The following FLRT2 variants were observed in gnomAD, a reference collection of about 807,000 sequenced individuals.
FLRT2 encodes leucine-rich repeat transmembrane protein FLRT2.
Under a neutral mutation model 40.0 loss-of-function variants are expected in FLRT2, and 15 were observed. That is an observed-to-expected ratio of 0.38 (90% confidence interval 0.25 to 0.58). The LOEUF is 0.58. FLRT2 is among the 20% of genes least tolerant of loss of function. The probability of loss-of-function intolerance (pLI) is 0.71; values close to 1 mark genes in which losing one functional copy is unlikely to be tolerated. For missense variants in FLRT2, 726 were observed against 840.0 expected (o/e 0.86, Z 1.68); for synonymous variants, 380 against 336.8 (o/e 1.13, Z -1.41).
rs1355945427 is a variant in FLRT2 at position 85,611,908 on chromosome 14, G to GCA, written c.-376-9230_-376-9229insAC. Among the ~76,000 whole-genome samples the GCA allele has an allele frequency of 2.8e-5, 4 of 144,570 alleles. No homozygotes were observed. In the East Asian group the frequency reaches 6.2e-4, roughly 22 times the overall value. The allele number at this position is 144,570 out of a possible 152,430, so 94.8% of individuals were successfully genotyped here. A position where few individuals can be genotyped will look rare whatever the true frequency, so the allele number is the denominator to read the frequency against. On this transcript the variant is annotated intron_variant, in intron 1 of 1. Coordinates refer to ENST00000330753, the MANE Select transcript of FLRT2 (RefSeq NM_013231.6). ...GGGGAGAGAGAGAGAGAGCGCGCGT[G>GCA]CGCGAAAGCGTGTGTGTGTGTGTGT...
intron 1 of FLRT2, among the ~76,000 whole-genome samples, chr14:85,576,606 A>G (rs995485457): frequency 2.0e-5 from 3 of 152,218 alleles, no homozygotes; most frequent in Admixed American, 2.0e-4. Flanking sequence ...GTGTTTTTCA[A>G]TTTCCGAAAA....
At chr14:85,619,277 G>T (rs185318865) in intron 1 of FLRT2, among the ~76,000 whole-genome samples, 17 of 151,734 alleles carry the variant, frequency 1.1e-4, no homozygotes, top group African/African-American at 3.6e-4. Context: ...TAGAAATGGG[G>T]TTTCACTATA....
rs1474903565 is a variant in FLRT2, at chr14:85,639,967, G to A, written c.*16470G>A. On this transcript the variant is annotated 3_prime_UTR_variant, in exon 2 of 2. Coordinates refer to ENST00000330753, the MANE Select transcript of FLRT2 (RefSeq NM_013231.6). ...GAGTTCACACCATTCTCCTGCCTCA[G>A]TCTCCCGAGTAGCTGGGACTACAGG... 6.7e-6 allele frequency: 1 copy of A among 148,604 alleles called. No individual in the cohort carries two copies. The highest frequency in any genetic ancestry group is 1.5e-5 in the Non-Finnish European group (1 of 67,768). The allele number at this position is 148,604 out of a possible 1,614,324, so 9.2% of individuals were successfully genotyped here. A position where few individuals can be genotyped will look rare whatever the true frequency, so the allele number is the denominator to read the frequency against.
At chr14:85,596,172 G>T (rs998342913) in intron 1 of FLRT2, among the ~76,000 whole-genome samples, 1 of 152,138 alleles carries the variant, frequency 6.6e-6, no homozygotes, top group Non-Finnish European at 1.5e-5. Flanking sequence ...TCTCACCCAG[G>T]GGCCAGGAAA....
At position 85,621,451 on chromosome 14, in the gene FLRT2, C is replaced by A; in HGVS notation, c.-64C>A. 2.1e-6 allele frequency: 3 copies of A among 1,445,974 alleles called. No homozygotes were observed. Among genetic ancestry groups the A allele is most frequent in the Non-Finnish European group, 1.9e-6 (2 of 1,073,694 alleles). 89.6% of individuals were successfully genotyped at this position (1,445,974 alleles called of 1,614,324 possible). A position where few individuals can be genotyped will look rare whatever the true frequency, so the allele number is the denominator to read the frequency against. ...ACCCCATCCAGTCATTTTGATTTTGCTGTTTATTTTTTTTTTCTTTTTCTT... is the reference window on the plus strand; with the variant it reads ...ACCCCATCCAGTCATTTTGATTTTGATGTTTATTTTTTTTTTCTTTTTCTT... On this transcript the variant is annotated 5_prime_UTR_variant, in exon 2 of 2. The change creates a new upstream start codon in the 5' untranslated region. Transcript: ENST00000330753.
In FLRT2 at chr14:85,636,748, G is replaced by A. The variant is rs971215989; in HGVS notation, c.*13251G>A. ...GTTTGAGACTAGCTTGGCCAACATGGTGAAAGCCCGCCTTTACTAAAAATA... is the reference window on the plus strand; with the variant it reads ...GTTTGAGACTAGCTTGGCCAACATGATGAAAGCCCGCCTTTACTAAAAATA... On this transcript the variant is annotated 3_prime_UTR_variant, in exon 2 of 2. Transcript: ENST00000330753. The A allele has an allele frequency of 3.3e-5, 5 of 151,788 alleles. No homozygotes were observed. Among genetic ancestry groups the A allele is most frequent in the South Asian group, 4.2e-4 (2 of 4,798 alleles). The allele number at this position is 151,788 out of a possible 1,614,324, so 9.4% of individuals were successfully genotyped here.
chr14:85,567,817 T>A (rs978388351), intron 1 of FLRT2, among the ~76,000 whole-genome samples: 3 of 151,964 alleles, frequency 2.0e-5, no homozygotes, highest in Non-Finnish European at 4.4e-5. Flanking sequence ...CTTTTTGTAT[T>A]TTTAGTAGAG....
chr14:85,552,040 A>T (rs555824622), intron 1 of FLRT2, among the ~76,000 whole-genome samples: 78 of 152,230 alleles, frequency 5.1e-4, no homozygotes, highest in African/African-American at 1.8e-3. Flanking sequence ...GCAATGGGGG[A>T]TACTCAAAAT....
At chr14:85,539,998 T>G (rs1216934057) in intron 1 of FLRT2, among the ~76,000 whole-genome samples, 2 of 152,222 alleles carry the variant, frequency 1.3e-5, no homozygotes, top group East Asian at 1.9e-4. Flanking sequence ...GGATAAATGA[T>G]AATTAGGGTG....
At chr14:85,580,734 A>C (rs1891348230) in intron 1 of FLRT2, among the ~76,000 whole-genome samples, 1 of 77,598 alleles carries the variant, frequency 1.3e-5, no homozygotes, top group Admixed American at 1.2e-4. Flanking sequence ...GAGGAAAGGA[A>C]ATGGGTGTAG....
At position 85,632,509 on chromosome 14, in the gene FLRT2, C is replaced by CATG. The variant is rs1305629851; in HGVS notation, c.*9014_*9016dup. Reference sequence around the variant, plus strand: ...TCACCTTGCAACAAAATATCGCCATCATGAAAAGTCCACAAAGCACAAGTA... The same window carrying CATG: ...TCACCTTGCAACAAAATATCGCCATCATGATGAAAAGTCCACAAAGCACAAGTA... On this transcript the variant is annotated 3_prime_UTR_variant, in exon 2 of 2. Coordinates refer to ENST00000330753, the MANE Select transcript of FLRT2 (RefSeq NM_013231.6). 6.7e-6 allele frequency: 1 copy of CATG among 148,490 alleles called. No homozygotes were observed. Among genetic ancestry groups the CATG allele is most frequent in the Non-Finnish European group, 1.5e-5 (1 of 67,396 alleles). 9.2% of individuals were successfully genotyped at this position (148,490 alleles called of 1,614,324 possible).
chr14:85,565,956 A>G (rs1890598253), intron 1 of FLRT2, among the ~76,000 whole-genome samples: 1 of 152,146 alleles, frequency 6.6e-6, no homozygotes, highest in Admixed American at 6.5e-5. Flanking sequence ...GGATGAAAGG[A>G]TGAATAAGCA....
chr14:85,576,255 A>G lies in FLRT2; in HGVS notation c.-376-44884A>G, dbSNP rs186831394. Among the ~76,000 whole-genome samples the G allele has an allele frequency of 8.1e-4, 123 of 152,238 alleles. 3 individuals carry two copies. The highest frequency in any genetic ancestry group is 2.9e-3 in the African/African-American group (121 of 41,542). The stretch of plus-strand genomic sequence containing the variant: ...CTTCAGCTCTAGTGCTGTTTTAATT[A>G]TAAGTATTTACTTTTTTTTGTTTTT... On this transcript the variant is annotated intron_variant, in intron 1 of 1. Transcript: ENST00000330753.
chr14:85,570,075 A>G (rs1890816467), intron 1 of FLRT2, among the ~76,000 whole-genome samples: 1 of 152,172 alleles, frequency 6.6e-6, no homozygotes, highest in Non-Finnish European at 1.5e-5. Context: ...TATCTCCACC[A>G]TTCTGTTCTC....
At chr14:85,578,016 G>T (rs1046138514) in intron 1 of FLRT2, among the ~76,000 whole-genome samples, 2 of 151,242 alleles carry the variant, frequency 1.3e-5, no homozygotes, top group African/African-American at 4.9e-5. Context: ...GCAGGAAAGG[G>T]CCCAATGTTT....
chr14:85,556,869 A>G (rs1266445740), intron 1 of FLRT2, among the ~76,000 whole-genome samples: 1 of 152,210 alleles, frequency 6.6e-6, no homozygotes, highest in Non-Finnish European at 1.5e-5. Context: ...AAGACTGGGA[A>G]GAAAAAGAGG....
intron 1 of FLRT2, among the ~76,000 whole-genome samples, chr14:85,614,001 TTTG>T (rs1401282439): frequency 1.3e-5 from 2 of 152,220 alleles, no homozygotes; most frequent in Admixed American, 6.5e-5. Context: ...CACAGGAGCT[TTTG>T]TTGTTGTTTA....
intron 1 of FLRT2, among the ~76,000 whole-genome samples, chr14:85,559,125 C>G (rs1890156626): frequency 6.6e-6 from 1 of 152,170 alleles, no homozygotes; most frequent in African/African-American, 2.4e-5. Flanking sequence ...GCTATTCAGC[C>G]CCATCAACAC....
chr14:85,556,472 G>A (rs1889971106), intron 1 of FLRT2, among the ~76,000 whole-genome samples: 1 of 152,194 alleles, frequency 6.6e-6, no homozygotes, highest in South Asian at 2.1e-4. Flanking sequence ...TTCTGGGAGA[G>A]AAGCCACATT....
Sources: allele counts gnomAD v4.1 joint callset (sites outside exome capture counted in the v4.1 genomes callset), GRCh38; gene constraint gnomAD v4.1.1; transcripts MANE v1.5; gene names NCBI Gene and HGNC (gene_info 2026-07-23, HGNC 2026-07-21).